The following SLC6A12 variants were observed in gnomAD, a reference collection of about 807,000 sequenced individuals.
The protein encoded by SLC6A12 is solute carrier family 6 member 12, also known as sodium- and chloride-dependent betaine transporter.
A neutral mutation model predicts 73.3 loss-of-function variants in SLC6A12; 50 were observed. The observed-to-expected ratio is 0.68, with a 90% CI of 0.54 to 0.86. The LOEUF (loss-of-function observed/expected upper bound fraction) is 0.86. SLC6A12 is among the 40% of genes least tolerant of loss of function. The pLI, the probability that SLC6A12 is intolerant of heterozygous loss-of-function variation, is 0.00. For missense variants in SLC6A12, 648 were observed against 772.8 expected (o/e 0.84, Z 1.92); for synonymous variants, 304 against 309.2 (o/e 0.98, Z 0.18).
chr12:201,238 G>T, intron 6 of SLC6A12: 1 of 196,680 alleles, frequency 5.1e-6, no homozygotes, highest in Non-Finnish European at 1.0e-5. Flanking sequence ...GTGGGGGTTA[G>T]CTCAGTGTGA....
chr12:188,217 GA>G (rs1480474542), downstream of SLC6A12, among the ~76,000 whole-genome samples: 12 of 152,220 alleles, frequency 7.9e-5, no homozygotes, highest in African/African-American at 2.7e-4. Flanking sequence ...CATGGAGGGG[GA>G]GGGAGGCTCA....
intron 3 of SLC6A12, among the ~76,000 whole-genome samples, chr12:206,137 G>A (rs754153868): frequency 6.6e-6 from 1 of 152,150 alleles, no homozygotes; most frequent in Non-Finnish European, 1.5e-5. Context: ...GTGGCATTAA[G>A]TATATTCACA....
At position 210,055 on chromosome 12, in the gene SLC6A12, A is replaced by C; in HGVS notation, c.-57-12T>G. On this transcript the variant is annotated splice_polypyrimidine_tract_variant and intron_variant, in intron 2 of 15. Transcript: ENST00000684302. ...ACGAGGGCCAAAGCCTGGTGGGAAG[A>C]GAAGAAATTAGCTGTAAAACCCGAC... 6.3e-7 allele frequency: 1 copy of C among 1,575,096 alleles called. No individual in the cohort carries two copies. Among genetic ancestry groups the C allele is most frequent in the Admixed American group, 1.8e-5 (1 of 55,754 alleles).
downstream of SLC6A12, among the ~76,000 whole-genome samples, chr12:185,220 G>A (rs1939410298): frequency 6.6e-6 from 1 of 152,258 alleles, no homozygotes. Flanking sequence ...AGCTGGCCGG[G>A]TAAGGCCGCT....
At position 213,510 on chromosome 12, in the gene SLC6A12, C is replaced by T. The variant is rs543933403; in HGVS notation, c.-143+412G>A. On this transcript the variant is annotated intron_variant, in intron 1 of 15. Transcript: ENST00000684302. This position sits in a 1 kb window ranked among gnomAD's most constrained non-coding sequence, Gnocchi z 5.3. ...GCAGGCAGCGGGCAGGAACCCCTCACCTGTGATCATTTATTGCAGTTCCTG... is the reference window on the plus strand; with the variant it reads ...GCAGGCAGCGGGCAGGAACCCCTCATCTGTGATCATTTATTGCAGTTCCTG... The T allele has an allele frequency of 4.6e-5, 7 of 152,624 alleles. No homozygotes were observed. Among genetic ancestry groups the T allele is most frequent in the African/African-American group, 1.7e-4 (7 of 41,584 alleles). The allele number at this position is 152,624 out of a possible 1,614,324, so 9.5% of individuals were successfully genotyped here.
chr12:195,873 T>G (rs1355515355), intron 12 of SLC6A12, among the ~76,000 whole-genome samples: 1 of 152,128 alleles, frequency 6.6e-6, no homozygotes, highest in African/African-American at 2.4e-5. Context: ...CCAGATATCC[T>G]AGGGTTTTCA....
intron 7 of SLC6A12, among the ~76,000 whole-genome samples, 175 bp downstream of exon 7, chr12:200,476 G>A (rs1167084203): frequency 2.0e-5 from 3 of 152,086 alleles, no homozygotes; most frequent in Non-Finnish European, 4.4e-5. Flanking sequence ...TCCTTGCATC[G>A]AGCTAAGCTC....
Position 200,702 on chromosome 12 carries a change from G to A in SLC6A12, c.660C>T (p.Ala220=), listed in dbSNP as rs759201205. The part of the protein sequence containing the change: ...RWELALCLLL[A]WVICYFCIWK... ...AGATGCAGAAATAGCAGATGACCCA[G>A]GCGAGCAGGAGGCACAGGGCCAGCT... is the stretch of plus-strand genomic sequence containing the variant. The change falls in exon 7 of 16, where the codon GCC becomes GCT. Residue 220 remains alanine (A), a synonymous_variant. Transcript: ENST00000684302. 1 of 1,614,194 alleles carries A rather than the reference G, an allele frequency of 6.2e-7. No homozygotes were observed. The highest frequency in any genetic ancestry group is 1.1e-5 in the South Asian group (1 of 91,080).
Position 209,768 on chromosome 12 carries a change from C to T in SLC6A12, c.214+5G>A, listed in dbSNP as rs1940826729. On this transcript the variant is annotated splice_donor_5th_base_variant and intron_variant, in intron 3 of 15. Coordinates refer to ENST00000684302, the MANE Select transcript of SLC6A12 (RefSeq NM_001122848.3). Reference sequence around the variant, plus strand: ...CCCACCATGCCTACCTCAAAGTGAACTCACCACCTCCGTTTTTGTAGCAGA... The same window carrying T: ...CCCACCATGCCTACCTCAAAGTGAATTCACCACCTCCGTTTTTGTAGCAGA... 3 of 1,614,232 alleles carry T rather than the reference C, an allele frequency of 1.9e-6. No homozygotes were observed. Among genetic ancestry groups the T allele is most frequent in the Middle Eastern group, 3.3e-4 (2 of 6,054 alleles).
Position 198,791 on chromosome 12 carries a change from A to T in SLC6A12, c.846+6T>A, listed in dbSNP as rs1274076912. On this transcript the variant is annotated splice_donor_region_variant and intron_variant, in intron 8 of 15. Coordinates refer to ENST00000684302, the MANE Select transcript of SLC6A12 (RefSeq NM_001122848.3). The surrounding 1 kb of genome is among the most constrained non-coding windows in gnomAD (Gnocchi z 4.0). ...CCTGGGGAAGTGGTCCCAGCACGGT[A>T]CATACCTGAGGGTCCTTGAGGCGGA... 2.5e-6 allele frequency: 4 copies of T among 1,614,188 alleles called. No homozygotes were observed. Among genetic ancestry groups the T allele is most frequent in the Non-Finnish European group, 3.4e-6 (4 of 1,180,006 alleles).
chr12:209,278 G>A (rs113569274), intron 3 of SLC6A12, among the ~76,000 whole-genome samples: 171 of 152,104 alleles, frequency 1.1e-3, no homozygotes, highest in African/African-American at 3.7e-3. Flanking sequence ...TCCTCCCTGC[G>A]TCACGTCTCA....
chr12:207,760 C>G (rs1940722139), intron 3 of SLC6A12, among the ~76,000 whole-genome samples: 1 of 152,176 alleles, frequency 6.6e-6, no homozygotes, highest in African/African-American at 2.4e-5. Context: ...ATTCCTGGCC[C>G]TTCTTTACTA....
chr12:193,400 A>G (rs1939707924), intron 13 of SLC6A12, 23 bp from the exon 14 acceptor site: 20 of 1,570,504 alleles, frequency 1.3e-5, no homozygotes, highest in Non-Finnish European at 1.8e-5. Context: ...GGCGTGGGAG[A>G]GTGTGAGAGC....
chr12:204,604 C>CCAAG lies in SLC6A12; in HGVS notation c.308_309insCTTG (p.Ser104LeufsTer49). 1 of 1,614,212 alleles carries CCAAG rather than the reference C, an allele frequency of 6.2e-7. No individual in the cohort carries two copies. Among genetic ancestry groups the CCAAG allele is most frequent in the Non-Finnish European group, 8.5e-7 (1 of 1,180,032 alleles). ...AGATCTTCCTCCAGGCTGTGACACT[C>CCAAG]CCTTGGCTGGTGTATTGGCCCAACG... On this transcript the variant is annotated frameshift_variant, in exon 4 of 16. Coordinates refer to ENST00000684302, the MANE Select transcript of SLC6A12 (RefSeq NM_001122848.3). LOFTEE classifies it high-confidence loss of function.
At chr12:200,947 A>T (rs4980863) in intron 6 of SLC6A12, among the ~76,000 whole-genome samples, 164 bp from the exon 7 acceptor site, 3 of 152,038 alleles carry the variant, frequency 2.0e-5, no homozygotes, top group Non-Finnish European at 4.4e-5. Flanking sequence ...CCCGTAGACC[A>T]AACTACTACC....
chr12:195,421 C>T, intron 12 of SLC6A12, 94 bp from the exon 13 acceptor site: 1 of 812,318 alleles, frequency 1.2e-6, no homozygotes, highest in East Asian at 2.5e-5. Context: ...GTGGGGTGCA[C>T]TCCTGCCCGG....
At position 198,099 on chromosome 12, in the gene SLC6A12, G is replaced by T; in HGVS notation, c.847-96C>A. On this transcript the variant is annotated intron_variant, in intron 8 of 15. Transcript: ENST00000684302. The surrounding 1 kb of genome is among the most constrained non-coding windows in gnomAD (Gnocchi z 4.0). ...ACCCGTCCCCTGCAGCACCAGCCTG[G>T]CCCCTCAGTGCTCCCTGAGCGCTTC... 1.1e-6 allele frequency: 1 copy of T among 901,788 alleles called. No homozygotes were observed. Among genetic ancestry groups the T allele is most frequent in the Non-Finnish European group, 1.8e-6 (1 of 558,526 alleles). The allele number at this position is 901,788 out of a possible 1,614,324, so 55.9% of individuals were successfully genotyped here. A position where few individuals can be genotyped will look rare whatever the true frequency, so the allele number is the denominator to read the frequency against.
downstream of SLC6A12, among the ~76,000 whole-genome samples, chr12:185,535 T>C (rs80149214): frequency 0.027 from 4,162 of 152,318 alleles, 75 homozygotes; most frequent in Middle Eastern, 0.071. Context: ...AGCCTCAGAA[T>C]GTGACTGCAC....
At chr12:184,070 A>C in the SLC6A12 span, among the ~76,000 whole-genome samples, 1 of 152,204 alleles carries the variant, frequency 6.6e-6, no homozygotes, top group Non-Finnish European at 1.5e-5. Flanking sequence ...CAATATTAGC[A>C]AACTGAACCT....
Sources: allele counts gnomAD v4.1 joint callset (sites outside exome capture counted in the v4.1 genomes callset), GRCh38; gene constraint gnomAD v4.1.1; non-coding constraint Gnocchi (gnomAD v3.1); transcripts MANE v1.5; gene names NCBI Gene and HGNC (gene_info 2026-07-23, HGNC 2026-07-21).